The following TLE4 variants were observed in gnomAD, a reference collection of about 807,000 sequenced individuals.
TLE4 encodes the protein TLE family member 4, transcriptional corepressor.
A neutral mutation model predicts 92.8 loss-of-function variants in TLE4; 8 were observed. The ratio of observed to expected loss-of-function variants is 0.09; its 90% confidence interval spans 0.05 to 0.16. The LOEUF (loss-of-function observed/expected upper bound fraction) is 0.16. Among genes scored for constraint, TLE4 ranks in the 10% least tolerant of loss-of-function variants. TLE4 has a pLI of 1.00. For synonymous variants in TLE4, 371 were observed against 374.1 expected, an observed-to-expected ratio of 0.99 and a Z score of 0.10; for missense variants, 675 against 997.6, an observed-to-expected ratio of 0.68 and a Z score of 4.36.
At chr9:79,704,953 G>A (rs1451640395) in intron 9 of TLE4, 51 bp downstream of exon 9, 2 of 1,608,390 alleles carry the variant, frequency 1.2e-6, no homozygotes, top group Admixed American at 3.4e-5. Context: ...CTTTTTATCT[G>A]CAGCCATTTT....
intron 2 of TLE4, 101 bp downstream of exon 2, chr9:79,573,887 C>T: frequency 1.3e-6 from 1 of 783,948 alleles, no homozygotes; most frequent in African/African-American, 1.8e-5. Context: ...GTGGGGGCGT[C>T]ACAAAGGTAT....
At chr9:79,688,291 T>G (rs1740987225) in intron 8 of TLE4, among the ~76,000 whole-genome samples, 1 of 152,204 alleles carries the variant, frequency 6.6e-6, no homozygotes, top group South Asian at 2.1e-4. Context: ...GCCTTCAGGT[T>G]ACATAGTTTT....
chr9:79,705,845 G>A (rs2071394599), intron 9 of TLE4, 44 bp from the exon 10 acceptor site: 6 of 1,604,354 alleles, frequency 3.7e-6, no homozygotes, highest in Non-Finnish European at 4.3e-6. Flanking sequence ...AATGTGGTAT[G>A]TTTTGTGAGG....
Position 79,572,775 on chromosome 9 carries a change from A to G in TLE4, c.-16A>G, listed in dbSNP as rs772004522. The G allele has an allele frequency of 2.5e-6, 4 of 1,598,750 alleles. No homozygotes were observed. The African/African-American group carries it at 5.5e-5, about 22-fold the overall frequency. On this transcript the variant is annotated 5_prime_UTR_variant, in exon 1 of 20. Coordinates refer to ENST00000376552, the MANE Select transcript of TLE4 (RefSeq NM_007005.6). ...CCGCGCGCCTCTGCCGAGCGCAGCC[A>G]ACTAAATCGGCTTGGATGATTCGCG...
At chr9:79,703,879 A>G (rs1588448091) in intron 8 of TLE4, among the ~76,000 whole-genome samples, 1 of 152,198 alleles carries the variant, frequency 6.6e-6, no homozygotes, top group East Asian at 1.9e-4. Flanking sequence ...TATGACCTAT[A>G]TGTCACATGA....
chr9:79,612,592 T>C (rs2048610084), intron 4 of TLE4, 64 bp from the exon 5 acceptor site: 1 of 1,384,348 alleles, frequency 7.2e-7, no homozygotes, highest in Admixed American at 1.7e-5. Flanking sequence ...CCTGTTAATA[T>C]TTGGGGAATC....
intron 4 of TLE4, among the ~76,000 whole-genome samples, chr9:79,593,159 G>A (rs576929519): frequency 6.6e-6 from 1 of 152,060 alleles, no homozygotes; most frequent in Non-Finnish European, 1.5e-5. Flanking sequence ...TACATTTTTG[G>A]TAAACCAAAA....
chr9:79,704,023 C>G, intron 8 of TLE4, among the ~76,000 whole-genome samples: 1 of 152,032 alleles, frequency 6.6e-6, no homozygotes, highest in East Asian at 1.9e-4. Flanking sequence ...TTCCCATTAG[C>G]CAGCAAACTT....
intron 5 of TLE4, among the ~76,000 whole-genome samples, chr9:79,617,024 C>T (rs982158812): frequency 3.9e-5 from 6 of 152,306 alleles, no homozygotes; most frequent in South Asian, 4.1e-4. Context: ...CCCACCTGCT[C>T]TTTTCCTATT....
chr9:79,687,355 G>T (rs891474774), intron 8 of TLE4, among the ~76,000 whole-genome samples: 1 of 152,198 alleles, frequency 6.6e-6, no homozygotes, highest in Non-Finnish European at 1.5e-5. Context: ...GTGGTCATAT[G>T]TGGTGGCCCC....
intron 4 of TLE4, among the ~76,000 whole-genome samples, chr9:79,585,043 T>C (rs2040703471): frequency 6.6e-6 from 1 of 152,220 alleles, no homozygotes. Flanking sequence ...ATTGTGTGTT[T>C]AGCTAACTTC....
At chr9:79,581,823 A>G (rs954578112) in intron 4 of TLE4, among the ~76,000 whole-genome samples, 1 of 152,166 alleles carries the variant, frequency 6.6e-6, no homozygotes, top group East Asian at 1.9e-4. Flanking sequence ...GCTCATACGC[A>G]GAACCTCTTG....
Position 79,575,160 on chromosome 9 carries a change from G to T in TLE4, c.207+224G>T, listed in dbSNP as rs571995671. On this transcript the variant is annotated intron_variant, in intron 3 of 19. Transcript: ENST00000376552. ...TTTTCAGAAAGTTCAGCCACATGGG[G>T]TATAATTTTCTGTGCTTTGTTTTTA... is the stretch of plus-strand genomic sequence containing the variant. The T allele has an allele frequency of 3.6e-5, 11 of 306,296 alleles. No homozygotes were observed. In the South Asian group the frequency reaches 8.0e-4, roughly 22 times the overall value. The allele number at this position is 306,296 out of a possible 1,614,324, so 19.0% of individuals were successfully genotyped here. A position where few individuals can be genotyped will look rare whatever the true frequency, so the allele number is the denominator to read the frequency against.
At chr9:79,653,949 G>A (rs2059397088) in intron 7 of TLE4, 110 bp from the exon 8 acceptor site, 1 of 1,221,156 alleles carries the variant, frequency 8.2e-7, no homozygotes, top group South Asian at 1.2e-5. Flanking sequence ...TTATTATTTA[G>A]CAGAGATCAA....
rs1398340516 is a variant in TLE4 at position 79,708,166 on chromosome 9, C to A, written c.985C>A (p.Arg329=). ...CTCAAAGTCCAATACCCCTACTCCA[C>A]GAACTGATGCGCCCACCCCAGGCAG... ...PVSKSNTPTP[R]TDAPTPGSNS... is the part of the protein sequence containing the mutation. The change falls in exon 12 of 20, where the codon CGA becomes AGA. Residue 329 remains arginine, a synonymous_variant. Transcript: ENST00000376552. The A allele has an allele frequency of 1.9e-6, 3 of 1,614,118 alleles. No individual in the cohort carries two copies. The highest frequency in any genetic ancestry group is 4.5e-5 in the East Asian group (2 of 44,882).
chr9:79,585,507 C>G (rs2040834112), intron 4 of TLE4, among the ~76,000 whole-genome samples: 1 of 152,184 alleles, frequency 6.6e-6, no homozygotes, highest in African/African-American at 2.4e-5. Context: ...TAGTCACCAG[C>G]TTTGTGATAT....
At chr9:79,679,041 T>A (rs1369844245) in intron 8 of TLE4, among the ~76,000 whole-genome samples, 2 of 151,906 alleles carry the variant, frequency 1.3e-5, no homozygotes, top group Non-Finnish European at 2.9e-5. Flanking sequence ...TTTGGGTTGG[T>A]TCCAAGTCTT....
intron 14 of TLE4, among the ~76,000 whole-genome samples, chr9:79,714,521 T>C (rs992670663): frequency 6.6e-6 from 1 of 152,264 alleles, no homozygotes; most frequent in African/African-American, 2.4e-5. Flanking sequence ...CTATCTGGAA[T>C]ATTTTTTCCA....
chr9:79,589,146 C>T (rs570639879), intron 4 of TLE4, among the ~76,000 whole-genome samples: 1 of 152,274 alleles, frequency 6.6e-6, no homozygotes, highest in African/African-American at 2.4e-5. Flanking sequence ...AAACTCTGCT[C>T]CAGAGAGAAG....
Sources: gnomAD v4.1 joint callset for allele counts (sites outside exome capture counted in the v4.1 genomes callset) on GRCh38, gnomAD v4.1.1 for gene constraint, MANE v1.5 for transcripts, NCBI Gene and HGNC (gene_info 2026-07-23, HGNC 2026-07-21) for gene names.